Variants in ADGRL3 observed in about 807,000 individuals in gnomAD.
ADGRL3 encodes calcium-independent alpha-latrotoxin receptor 3.
A neutral mutation model predicts 153.5 loss-of-function variants in ADGRL3; 62 were observed. The ratio of observed to expected loss-of-function variants is 0.40; its 90% CI spans 0.33 to 0.50. The LOEUF is 0.50. Ranked by LOEUF, ADGRL3 falls within the 20% of genes least tolerant of loss-of-function variation. ADGRL3 has a pLI of 0.47. For missense variants in ADGRL3, 1,641 were observed against 1,859.4 expected (o/e 0.88, Z 2.16); for synonymous variants, 710 against 672.5 (o/e 1.06, Z -0.86).
intron 1 of ADGRL3, among the ~76,000 whole-genome samples, chr4:61,231,300 A>T (rs114891705): frequency 0.019 from 2,939 of 152,218 alleles, 105 homozygotes; most frequent in African/African-American, 0.066. Flanking sequence ...ATACTTGCGG[A>T]TGTCACTGGC....
At position 61,991,928 on chromosome 4, in the gene ADGRL3, A is replaced by G. The variant is rs960938947; in HGVS notation, c.3237-4363A>G. Among the ~76,000 whole-genome samples, 5 of 148,218 alleles carry G rather than the reference A, an allele frequency of 3.4e-5. No individual in the cohort carries two copies. The Admixed American group carries it at 3.4e-4, about 10-fold the overall frequency. Reference sequence around the variant, plus strand: ...ATTTATATATAAATATATTTATAATATTACATGATATATATAATATACATA... The same window carrying G: ...ATTTATATATAAATATATTTATAATGTTACATGATATATATAATATACATA... On this transcript the variant is annotated intron_variant, in intron 19 of 26. Coordinates refer to ENST00000683033, the MANE Select transcript of ADGRL3 (RefSeq NM_001387552.1).
intron 1 of ADGRL3, among the ~76,000 whole-genome samples, chr4:61,257,987 A>T (rs955915370): frequency 6.6e-6 from 1 of 152,120 alleles, no homozygotes; most frequent in Non-Finnish European, 1.5e-5. Context: ...GTCTGAGTAC[A>T]TACAGGTTAG....
intron 9 of ADGRL3, among the ~76,000 whole-genome samples, chr4:61,861,493 A>G (rs1391362394): frequency 6.6e-6 from 1 of 152,108 alleles, no homozygotes; most frequent in Non-Finnish European, 1.5e-5. Flanking sequence ...TGACAAAGTC[A>G]AGCCAAAATA....
In ADGRL3 at chr4:61,713,471, C is replaced by T. The variant is rs189464029; in HGVS notation, c.584-17151C>T. On this transcript the variant is annotated intron_variant, in intron 6 of 26. Coordinates refer to ENST00000683033, the MANE Select transcript of ADGRL3 (RefSeq NM_001387552.1). ...TTCTAATTTACTGTGTTAAATTAAT[C>T]GCCCTTGATCTAATTCTAGGTCTAT... Among the ~76,000 whole-genome samples the T allele has an allele frequency of 1.2e-3, 185 of 151,904 alleles. 2 individuals are homozygous for T. The highest frequency in any genetic ancestry group is 4.1e-3 in the African/African-American group (169 of 41,452).
chr4:61,708,086 G>A (rs1476500384), intron 6 of ADGRL3, among the ~76,000 whole-genome samples: 4 of 152,088 alleles, frequency 2.6e-5, no homozygotes, highest in East Asian at 3.9e-4. Context: ...GTCACTTGGT[G>A]CTGCTTTATT....
intron 22 of ADGRL3, among the ~76,000 whole-genome samples, chr4:62,029,129 A>G (rs1427019996): frequency 6.6e-6 from 1 of 151,820 alleles, no homozygotes; most frequent in Non-Finnish European, 1.5e-5. Context: ...TGCCACAGCA[A>G]TAACAATTTC....
chr4:61,241,585 T>G (rs1754989069), intron 1 of ADGRL3, among the ~76,000 whole-genome samples: 1 of 152,042 alleles, frequency 6.6e-6, no homozygotes, highest in South Asian at 2.1e-4. Flanking sequence ...ATAGGTTACT[T>G]AGAAACAAAA....
At chr4:61,552,993 A>G (rs1287576181) in intron 4 of ADGRL3, among the ~76,000 whole-genome samples, 1 of 152,170 alleles carries the variant, frequency 6.6e-6, no homozygotes, top group Non-Finnish European at 1.5e-5. Context: ...TATACTATCA[A>G]TCTCCACCTA....
At chr4:62,044,727 T>A (rs1730187082) in intron 25 of ADGRL3, among the ~76,000 whole-genome samples, 178 bp downstream of exon 25, 1 of 152,028 alleles carries the variant, frequency 6.6e-6, no homozygotes, top group Non-Finnish European at 1.5e-5. Flanking sequence ...TTTAAAAAAA[T>A]CCTGAATTTT....
At chr4:61,561,868 A>G (rs2098796498) in intron 4 of ADGRL3, among the ~76,000 whole-genome samples, 1 of 151,988 alleles carries the variant, frequency 6.6e-6, no homozygotes. Flanking sequence ...TCAAACTTCA[A>G]GCCTTAAGCA....
At chr4:61,627,167 G>A (rs2092882950) in intron 5 of ADGRL3, among the ~76,000 whole-genome samples, 1 of 151,894 alleles carries the variant, frequency 6.6e-6, no homozygotes, top group African/African-American at 2.4e-5. Context: ...CTAGTATTTT[G>A]CGGAATTTTG....
intron 9 of ADGRL3, among the ~76,000 whole-genome samples, chr4:61,841,988 T>A (rs911148531): frequency 6.6e-6 from 1 of 152,210 alleles, no homozygotes; most frequent in Non-Finnish European, 1.5e-5. Context: ...TGCAATCATT[T>A]GTTTAATTAG....
At chr4:61,261,466 G>A (rs932529163) in intron 1 of ADGRL3, among the ~76,000 whole-genome samples, 2 of 151,930 alleles carry the variant, frequency 1.3e-5, no homozygotes, top group African/African-American at 4.8e-5. Context: ...GGACTTTTTG[G>A]AATTTTTTCT....
chr4:61,734,115 A>G lies in ADGRL3; in HGVS notation c.1399+561A>G, dbSNP rs1040759415. 4.6e-5 allele frequency among the ~76,000 whole-genome samples: 7 copies of G among 152,248 alleles called. No homozygotes were observed. The East Asian group carries it at 1.2e-3, about 25-fold the overall frequency. On this transcript the variant is annotated intron_variant, in intron 8 of 26. Transcript: ENST00000683033. ...CATAACTGATAAGTACAGTAAAAATATACCTCAATTTGTATAAGACATTGC... is the reference window on the plus strand; with the variant it reads ...CATAACTGATAAGTACAGTAAAAATGTACCTCAATTTGTATAAGACATTGC...
chr4:61,456,440 GATATATCTA>G (rs2097752992), intron 2 of ADGRL3, among the ~76,000 whole-genome samples: 1 of 97,848 alleles, frequency 1.0e-5, no homozygotes, highest in African/African-American at 3.9e-5. Context: ...TATATATATA[GATATATCTA>G]TATCTATATA....
intron 6 of ADGRL3, among the ~76,000 whole-genome samples, chr4:61,699,066 A>C (rs2095698952): frequency 6.6e-6 from 1 of 152,194 alleles, no homozygotes; most frequent in South Asian, 2.1e-4. Context: ...CATCTAAAGA[A>C]GTCTTGAGCA....
intron 1 of ADGRL3, among the ~76,000 whole-genome samples, chr4:61,323,889 G>A (rs1167235856): frequency 6.6e-6 from 1 of 152,060 alleles, no homozygotes; most frequent in Non-Finnish European, 1.5e-5. Context: ...TTACTGTATA[G>A]TCTGTTTTCA....
At chr4:61,480,002 A>G (rs544943603) in intron 2 of ADGRL3, among the ~76,000 whole-genome samples, 1 of 152,114 alleles carries the variant, frequency 6.6e-6, no homozygotes, top group Non-Finnish European at 1.5e-5. Context: ...TCTCTCAGCT[A>G]CTATTTTCTT....
chr4:61,996,265 C>T, intron 19 of ADGRL3, 26 bp from the exon 20 acceptor site: 1 of 1,564,306 alleles, frequency 6.4e-7, no homozygotes, highest in Non-Finnish European at 8.8e-7. Context: ...CCTTGAATAC[C>T]TTCTCTCCCT....
Sources: gnomAD v4.1 joint callset for allele counts (sites outside exome capture counted in the v4.1 genomes callset) on GRCh38, gnomAD v4.1.1 for gene constraint, MANE v1.5 for transcripts, NCBI Gene and HGNC (gene_info 2026-07-23, HGNC 2026-07-21) for gene names.